Variants in ZNF880 observed in about 807,000 individuals in gnomAD.
ZNF880 encodes the protein zinc finger protein LOC400713.
ZNF880 carries 12 observed loss-of-function variants against 11.8 expected under a neutral mutation model. The ratio of observed to expected loss-of-function variants is 1.02; its 90% CI spans 0.65 to 1.65. The LOEUF (loss-of-function observed/expected upper bound fraction) is 1.65. Among genes scored for constraint, ZNF880 ranks in the 40% most tolerant of loss-of-function variants. The pLI is 0.00. For synonymous variants in ZNF880, 210 were observed against 232.4 expected (o/e 0.90, Z 0.88); for missense variants, 601 against 673.9 (o/e 0.89, Z 1.20).
intron 3 of ZNF880, among the ~76,000 whole-genome samples, chr19:52,383,624 A>G (rs1418274492): frequency 6.6e-6 from 1 of 152,054 alleles, no homozygotes; most frequent in Admixed American, 6.6e-5. Flanking sequence ...TCTGCTCATA[A>G]TCTCTCTCAA....
intron 2 of ZNF880, among the ~76,000 whole-genome samples, chr19:52,373,542 GT>G (rs1986457220): frequency 6.6e-6 from 1 of 152,002 alleles, no homozygotes; most frequent in Admixed American, 6.6e-5. Context: ...AAGATATACA[GT>G]TCTGTGTTAT....
At chr19:52,367,016 C>G (rs1986133669), upstream of ZNF880, 2 of 415,666 alleles carry the variant, frequency 4.8e-6, no homozygotes, top group Non-Finnish European at 8.5e-6. Context: ...ATAGCATATT[C>G]TTGAGTAGGA....
intron 3 of ZNF880, among the ~76,000 whole-genome samples, chr19:52,380,236 GAACAT>G (rs1318884398): frequency 1.3e-5 from 2 of 151,800 alleles, no homozygotes; most frequent in Non-Finnish European, 2.9e-5. Context: ...TCCAGCAACA[GAACAT>G]AAGTCTCCCA....
chr19:52,374,752 G>A (rs1986503919), intron 3 of ZNF880: 1 of 574,092 alleles, frequency 1.7e-6, no homozygotes, highest in South Asian at 2.0e-5. Context: ...TTGTTTTGTT[G>A]AGACAAGTTC....
Position 52,369,924 on chromosome 19 carries a change from G to A in ZNF880, c.-42G>A. The A allele has an allele frequency of 1.3e-6, 2 of 1,551,624 alleles. No individual in the cohort carries two copies. The highest frequency in any genetic ancestry group is 1.7e-4 in the Middle Eastern group (1 of 5,992). On this transcript the variant is annotated 5_prime_UTR_variant, in exon 1 of 4. Coordinates refer to ENST00000422689, the MANE Select transcript of ZNF880 (RefSeq NM_001145434.2). ...GCCTCGCCTCTCAGCTGCGCGCGCA[G>A]TTTCCTGGAGACCCGGAAGCAGATT...
In ZNF880 at chr19:52,369,995, T is replaced by A; in HGVS notation, c.12+18T>A. ...TGCGGCGTGTGAGTTTCCCTTTGTT[T>A]AGATTAAATCTGGGATGCTGAGTCC... On this transcript the variant is annotated intron_variant, in intron 1 of 3. Coordinates refer to ENST00000422689, the MANE Select transcript of ZNF880 (RefSeq NM_001145434.2). The A allele has an allele frequency of 6.4e-7, 1 of 1,551,616 alleles. No homozygotes were observed. The highest frequency in any genetic ancestry group is 8.7e-7 in the Non-Finnish European group (1 of 1,146,974).
Position 52,384,185 on chromosome 19 carries a change from A to G in ZNF880, c.605A>G (p.Asn202Ser). Residue 202 changes from asparagine to serine, a missense_variant, in exon 4 of 4, where the codon AAT becomes AGT. By Grantham distance (46) the Asn-to-Ser change is conservative. This residue lies in a region of ZNF880 where 420 missense variants were observed against 442.6 expected (regional missense o/e 0.95). Transcript: ENST00000422689. ...AFRVSSRLANNQVIHTADNPY... is the reference protein window; with the variant it reads ...AFRVSSRLANSQVIHTADNPY... ...AGAGTGTCTTCAAGACTTGCTAACA[A>G]TCAAGTAATCCACACTGCAGATAAC... 1 of 1,611,108 alleles carries G rather than the reference A, an allele frequency of 6.2e-7. No individual in the cohort carries two copies. Among genetic ancestry groups the G allele is most frequent in the Non-Finnish European group, 8.5e-7 (1 of 1,178,342 alleles).
Position 52,383,926 on chromosome 19 carries a change from C to G in ZNF880, c.346C>G (p.Leu116Val). ...NQLGLTFQLHLSELQLFQAER... is the reference protein window; with the variant it reads ...NQLGLTFQLHVSELQLFQAER... ...ACTTGGATTAACCTTTCAGTTACAT[C>G]TGAGTGAACTGCAGCTATTTCAAGC... The change falls in exon 4 of 4, where the codon CTG (leucine) becomes GTG (valine). Residue 116 changes from leucine (L) to valine (V), a missense_variant. Around this residue, in one of 3 missense-constraint regions of ZNF880, gnomAD observed 420 missense variants for 442.6 expected, o/e 0.95. Transcript: ENST00000422689. The G allele has an allele frequency of 6.4e-7, 1 of 1,560,446 alleles. No individual in the cohort carries two copies. Among genetic ancestry groups the G allele is most frequent in the Non-Finnish European group, 8.7e-7 (1 of 1,151,480 alleles).
chr19:52,388,466 CAG>C (rs989749786), downstream of ZNF880, among the ~76,000 whole-genome samples: 34 of 150,932 alleles, frequency 2.3e-4, no homozygotes, highest in Admixed American at 1.8e-3. Flanking sequence ...TTAATAGAGA[CAG>C]GGTTTCACCA....
chr19:52,390,336 A>T, downstream of ZNF880: 1 of 424,416 alleles, frequency 2.4e-6, no homozygotes, highest in Non-Finnish European at 4.8e-6. Flanking sequence ...CCCCAGTCCC[A>T]GGGAGGCCGT....
At chr19:52,369,362 CAAAAAAAAA>C (rs57601492), upstream of ZNF880, among the ~76,000 whole-genome samples, 1 of 112,486 alleles carries the variant, frequency 8.9e-6, no homozygotes. Flanking sequence ...ACTCTGTCTC[CAAAAAAAAA>C]AAAAAAAAAA....
chr19:52,373,997 T>C lies in ZNF880; in HGVS notation c.140-302T>C, dbSNP rs911066011. Among the ~76,000 whole-genome samples, 3 of 152,022 alleles carry C rather than the reference T, an allele frequency of 2.0e-5. No individual in the cohort carries two copies. The South Asian group carries it at 6.2e-4, about 31-fold the overall frequency. ...TACTATTCTTGATTCATTTATAATA[T>C]CCTCTCTCCTACCTAGACATGGGGC... On this transcript the variant is annotated intron_variant, in intron 2 of 3. Transcript: ENST00000422689.
At chr19:52,368,321 A>G (rs1229047351), upstream of ZNF880, among the ~76,000 whole-genome samples, 2 of 152,062 alleles carry the variant, frequency 1.3e-5, no homozygotes, top group African/African-American at 2.4e-5. Flanking sequence ...TCACACACAG[A>G]AAGGGAATTT....
upstream of ZNF880, chr19:52,367,574 G>C (rs1043879463): frequency 2.7e-5 from 4 of 148,858 alleles, no homozygotes; most frequent in Non-Finnish European, 5.9e-5. Context: ...GTGTGTATGT[G>C]TGTGAGACAT....
At chr19:52,374,536 C>T (rs190590808) in intron 3 of ZNF880, 109 bp downstream of exon 3, 260 of 1,328,376 alleles carry the variant, frequency 2.0e-4, no homozygotes, top group Admixed American at 3.2e-4. Flanking sequence ...CAGTGGCAAT[C>T]GTGGCTTAAC....
At chr19:52,372,404 C>T (rs1018980793) in intron 1 of ZNF880, among the ~76,000 whole-genome samples, 46 of 146,850 alleles carry the variant, frequency 3.1e-4, no homozygotes, top group Non-Finnish European at 5.6e-4. Context: ...TCTCCTGCCT[C>T]AGCCTCACGA....
chr19:52,389,713 T>C (rs1357110280), downstream of ZNF880: 1 of 152,272 alleles, frequency 6.6e-6, no homozygotes, highest in African/African-American at 2.4e-5. Context: ...TAGTGAGTAG[T>C]CTGTGTGGGG....
chr19:52,369,864 G>A (rs1440754615), upstream of ZNF880: 27 of 1,457,108 alleles, frequency 1.9e-5, no homozygotes, highest in Middle Eastern at 1.7e-4. Flanking sequence ...GGAGGGAAGC[G>A]CAGGCTCCGC....
chr19:52,387,766 A>C (rs1447621704), downstream of ZNF880, among the ~76,000 whole-genome samples: 4 of 142,516 alleles, frequency 2.8e-5, no homozygotes, highest in Non-Finnish European at 4.6e-5. Context: ...CTATTAAATG[A>C]AAGAAAGTAT....
Sources: allele counts gnomAD v4.1 joint callset (sites outside exome capture counted in the v4.1 genomes callset), GRCh38; gene constraint gnomAD v4.1.1; regional missense constraint gnomAD v4.1.1; transcripts MANE v1.5; gene names NCBI Gene and HGNC (gene_info 2026-07-23, HGNC 2026-07-21).